Variants in SEPTIN11 observed in about 807,000 individuals in gnomAD.
SEPTIN11 encodes septin 11, also known as septin-11.
Under a neutral mutation model 51.4 loss-of-function variants are expected in SEPTIN11, and 25 were observed. The observed-to-expected ratio is 0.49, with a 90% CI of 0.35 to 0.68. SEPTIN11 has a LOEUF of 0.68. Among genes scored for constraint, SEPTIN11 ranks in the 30% least tolerant of loss-of-function variants. SEPTIN11 has a pLI of 0.00. For missense variants in SEPTIN11, 381 were observed against 520.8 expected, an observed-to-expected ratio of 0.73 and a Z score of 2.61; for synonymous variants, 174 against 184.1, an observed-to-expected ratio of 0.95 and a Z score of 0.44.
At chr4:76,999,385 G>A (rs1374652757) in intron 2 of SEPTIN11, among the ~76,000 whole-genome samples, 1 of 152,212 alleles carries the variant, frequency 6.6e-6, no homozygotes, top group Admixed American at 6.5e-5. Context: ...TCGTAGAGGA[G>A]GAGGTGTTAT....
intron 1 of SEPTIN11, among the ~76,000 whole-genome samples, chr4:76,986,719 A>G (rs1201322211): frequency 6.6e-6 from 1 of 152,062 alleles, no homozygotes; most frequent in African/African-American, 2.4e-5. Flanking sequence ...AAGTTCTCCT[A>G]TTTTACTCTG....
chr4:76,988,458 T>G (rs570154777), intron 1 of SEPTIN11, among the ~76,000 whole-genome samples: 1 of 152,364 alleles, frequency 6.6e-6, no homozygotes, highest in Non-Finnish European at 1.5e-5. Context: ...CTTTTCTTTT[T>G]GAGAACAGAT....
rs750129499 is a variant in SEPTIN11, at chr4:77,019,140, T to C, written c.688-25T>C. On this transcript the variant is annotated intron_variant, in intron 5 of 9. Transcript: ENST00000264893. ...GTCTGTCAGAGCAGGGGAAAGTAAC[T>C]ATTCTCTGTCCTTTTGCTTGGCAGG... The C allele has an allele frequency of 3.7e-6, 6 of 1,602,572 alleles. No individual in the cohort carries two copies. In the East Asian group the frequency reaches 1.1e-4, roughly 30 times the overall value.
At chr4:77,006,738 T>C (rs1309207297) in intron 3 of SEPTIN11, among the ~76,000 whole-genome samples, 1 of 152,148 alleles carries the variant, frequency 6.6e-6, no homozygotes, top group Non-Finnish European at 1.5e-5. Flanking sequence ...CAGGATTTTT[T>C]CCCCATATTC....
chr4:76,996,356 G>T (rs778388884), intron 1 of SEPTIN11, 69 bp from the exon 2 acceptor site: 1 of 1,091,534 alleles, frequency 9.2e-7, no homozygotes, highest in Non-Finnish European at 1.4e-6. Flanking sequence ...AGAATGTAAT[G>T]TTTGTGATAT....
intron 1 of SEPTIN11, among the ~76,000 whole-genome samples, chr4:76,953,688 A>G (rs934877147): frequency 1.3e-5 from 2 of 152,190 alleles, no homozygotes; most frequent in Non-Finnish European, 1.5e-5. Flanking sequence ...AGTGATATAA[A>G]TTATACATAC....
intron 1 of SEPTIN11, among the ~76,000 whole-genome samples, chr4:76,954,886 T>C (rs1312512174): frequency 6.6e-6 from 1 of 152,070 alleles, no homozygotes; most frequent in Non-Finnish European, 1.5e-5. Context: ...GGTGGTGAGG[T>C]GGGAAAGAGA....
At chr4:76,971,609 A>T (rs546366060) in intron 1 of SEPTIN11, among the ~76,000 whole-genome samples, 1 of 152,262 alleles carries the variant, frequency 6.6e-6, no homozygotes, top group South Asian at 2.1e-4. Flanking sequence ...TTAAGATTTA[A>T]ATCTTTCTAC....
intron 1 of SEPTIN11, among the ~76,000 whole-genome samples, chr4:76,981,744 ATTT>A (rs5859555): frequency 2.0e-5 from 3 of 146,430 alleles, no homozygotes; most frequent in Admixed American, 6.8e-5. Context: ...CAAGATATGC[ATTT>A]TTTTTTTTTT....
intron 2 of SEPTIN11, among the ~76,000 whole-genome samples, chr4:77,000,203 A>G (rs1456554195): frequency 6.6e-6 from 1 of 152,236 alleles, no homozygotes; most frequent in Admixed American, 6.5e-5. Flanking sequence ...TTTGTCCACA[A>G]TTCAACCTTA....
intron 1 of SEPTIN11, among the ~76,000 whole-genome samples, chr4:76,957,730 T>G (rs1326172845): frequency 6.6e-6 from 1 of 152,042 alleles, no homozygotes; most frequent in Non-Finnish European, 1.5e-5. Flanking sequence ...GCTTCCCATT[T>G]TCTAATCATA....
Position 77,024,789 on chromosome 4 carries a change from C to T in SEPTIN11, c.954-3840C>T, listed in dbSNP as rs1326569600. Among the ~76,000 whole-genome samples, 1 of 152,200 alleles carries T rather than the reference C, an allele frequency of 6.6e-6. No individual in the cohort carries two copies. Among genetic ancestry groups the T allele is most frequent in the Non-Finnish European group, 1.5e-5 (1 of 68,036 alleles). Reference sequence around the variant, plus strand: ...CCTGGTCTCAGTCCTGGCTCTGTTACTTCTTTGTGGTGTGACCTGGTCAAA... The same window carrying T: ...CCTGGTCTCAGTCCTGGCTCTGTTATTTCTTTGTGGTGTGACCTGGTCAAA... On this transcript the variant is annotated intron_variant, in intron 7 of 9. Coordinates refer to ENST00000264893, the MANE Select transcript of SEPTIN11 (RefSeq NM_018243.4). The surrounding 1 kb of genome is among the most constrained non-coding windows in gnomAD (Gnocchi z 4.2).
rs1362390845 is a variant in SEPTIN11, at chr4:77,036,338, T to C, written c.*1826T>C. On this transcript the variant is annotated 3_prime_UTR_variant, in exon 10 of 10. Coordinates refer to ENST00000264893, the MANE Select transcript of SEPTIN11 (RefSeq NM_018243.4). ...TGGAGCAGCCAAATAGTAGCTGGCA[T>C]GTTGATTCAAACCATGGGCTGAATT... 2 of 1,040,564 alleles carry C rather than the reference T, an allele frequency of 1.9e-6. No homozygotes were observed. The highest frequency in any genetic ancestry group is 2.3e-6 in the Non-Finnish European group (2 of 863,918). The allele number at this position is 1,040,564 out of a possible 1,614,324, so 64.5% of individuals were successfully genotyped here. A position where few individuals can be genotyped will look rare whatever the true frequency, so the allele number is the denominator to read the frequency against.
chr4:77,001,080 G>C (rs1252570154), intron 2 of SEPTIN11, among the ~76,000 whole-genome samples: 1 of 152,046 alleles, frequency 6.6e-6, no homozygotes, highest in Non-Finnish European at 1.5e-5. Flanking sequence ...GTTCACCTTA[G>C]AGCTCGTAGG....
rs1278812489 is a variant in SEPTIN11, at chr4:77,024,262, G to A, written c.953+3592G>A. The stretch of plus-strand genomic sequence containing the variant: ...TAAACCCGCCTGCATTCACACTTGC[G>A]TCTTTATTGTCTTGTGGCAGAATAT... On this transcript the variant is annotated intron_variant, in intron 7 of 9. Coordinates refer to ENST00000264893, the MANE Select transcript of SEPTIN11 (RefSeq NM_018243.4). The surrounding 1 kb of genome is among the most constrained non-coding windows in gnomAD (Gnocchi z 4.2). 3.9e-5 allele frequency among the ~76,000 whole-genome samples: 6 copies of A among 152,076 alleles called. No homozygotes were observed. The highest frequency in any genetic ancestry group is 2.1e-4 in the South Asian group (1 of 4,826).
At position 77,036,470 on chromosome 4, in the gene SEPTIN11, T is replaced by G. The variant is rs973537827; in HGVS notation, c.*1958T>G. Reference sequence around the variant, plus strand: ...TGTGGCTTGTACAGAAAGTACACTTTTAAATTGTCTCTTGCATCACTAAAA... The same window carrying G: ...TGTGGCTTGTACAGAAAGTACACTTGTAAATTGTCTCTTGCATCACTAAAA... On this transcript the variant is annotated 3_prime_UTR_variant, in exon 10 of 10. Coordinates refer to ENST00000264893, the MANE Select transcript of SEPTIN11 (RefSeq NM_018243.4). 1 of 1,260,148 alleles carries G rather than the reference T, an allele frequency of 7.9e-7. No homozygotes were observed. Among genetic ancestry groups the G allele is most frequent in the Non-Finnish European group, 1.0e-6 (1 of 997,068 alleles). The allele number at this position is 1,260,148 out of a possible 1,614,324, so 78.1% of individuals were successfully genotyped here.
intron 9 of SEPTIN11, chr4:77,031,674 A>T (rs949556333): frequency 6.6e-6 from 1 of 152,200 alleles, no homozygotes; most frequent in Non-Finnish European, 1.5e-5. Context: ...GCCTCCCTTG[A>T]CATTCTCCTG....
At chr4:77,004,784 G>GA (rs770036912) in intron 2 of SEPTIN11, among the ~76,000 whole-genome samples, 168 of 152,228 alleles carry the variant, frequency 1.1e-3, no homozygotes, top group Non-Finnish European at 2.1e-3. Context: ...CCAACATGGT[G>GA]AAACCCCGTC....
chr4:77,021,958 A>G (rs148617796), intron 7 of SEPTIN11, among the ~76,000 whole-genome samples: 2 of 152,370 alleles, frequency 1.3e-5, no homozygotes, highest in East Asian at 1.9e-4. Flanking sequence ...CCAAGATTGC[A>G]TCATTCACTT....
Sources: gnomAD v4.1 joint callset for allele counts (sites outside exome capture counted in the v4.1 genomes callset) on GRCh38, gnomAD v4.1.1 for gene constraint, Gnocchi (gnomAD v3.1) non-coding constraint, MANE v1.5 for transcripts, NCBI Gene and HGNC (gene_info 2026-07-23, HGNC 2026-07-21) for gene names.